Variants in HIVEP1 observed in about 807,000 individuals in gnomAD.
HIVEP1 encodes the protein HIVEP zinc finger 1, also known as zinc finger protein 40.
Under a neutral mutation model 180.0 loss-of-function variants are expected in HIVEP1, and 36 were observed. The observed-to-expected ratio is 0.20, with a 90% CI of 0.15 to 0.26. The LOEUF (loss-of-function observed/expected upper bound fraction) is 0.26, where lower values mean the gene tolerates loss of function less well. Among genes scored for constraint, HIVEP1 ranks in the 10% least tolerant of loss-of-function variants. The pLI is 1.00. For missense variants in HIVEP1, 3,143 were observed against 3,268.7 expected (o/e 0.96, Z 0.94); for synonymous variants, 1,239 against 1,239.0 (o/e 1.00, Z 0.00).
rs116666775 is a variant in HIVEP1, at chr6:12,019,801, A to G, written c.40+4133A>G. Among the ~76,000 whole-genome samples the G allele has an allele frequency of 5.0e-3, 766 of 152,328 alleles. 4 individuals carry two copies. The highest frequency in any genetic ancestry group is 0.017 in the African/African-American group (690 of 41,558). On this transcript the variant is annotated intron_variant, in intron 2 of 8. Coordinates refer to ENST00000379388, the MANE Select transcript of HIVEP1 (RefSeq NM_002114.4). ...CTCCTGCTGGGACAGATATATCCCT[A>G]CGGATGTGCAAAGCCACAGGGTAAC...
chr6:12,056,482 T>C (rs1157691369), intron 2 of HIVEP1, among the ~76,000 whole-genome samples: 1 of 152,258 alleles, frequency 6.6e-6, no homozygotes, highest in Admixed American at 6.5e-5. Flanking sequence ...ATTAAAGTTA[T>C]CAATTTTTGT....
At chr6:12,177,422 A>C in the HIVEP1 span, among the ~76,000 whole-genome samples, 1 of 152,194 alleles carries the variant, frequency 6.6e-6, no homozygotes, top group African/African-American at 2.4e-5. Context: ...CTCTACCTAC[A>C]AGTTTTCTAA....
intron 3 of HIVEP1, among the ~76,000 whole-genome samples, chr6:12,108,827 A>G (rs1283826661): frequency 6.6e-6 from 1 of 152,146 alleles, no homozygotes; most frequent in Non-Finnish European, 1.5e-5. Flanking sequence ...CAGCCCAGAA[A>G]GGGGCTCCCA....
chr6:12,014,110 G>A (rs1216593057), intron 1 of HIVEP1, among the ~76,000 whole-genome samples: 1 of 152,116 alleles, frequency 6.6e-6, no homozygotes, highest in Non-Finnish European at 1.5e-5. Flanking sequence ...CTTCTGATGT[G>A]GATAATATTT....
At chr6:12,009,346 G>A (rs930730726), upstream of HIVEP1, among the ~76,000 whole-genome samples, 2 of 152,154 alleles carry the variant, frequency 1.3e-5, no homozygotes, top group Non-Finnish European at 2.9e-5. Context: ...CAAGAAAAAC[G>A]TGTGTTGAGC....
intron 2 of HIVEP1, among the ~76,000 whole-genome samples, chr6:12,046,783 T>A (rs372736483): frequency 1.3e-5 from 2 of 148,956 alleles, no homozygotes; most frequent in Non-Finnish European, 3.0e-5. Context: ...GTCTCAAAAT[T>A]AAAAAAAAGA....
chr6:12,209,010 C>G, the HIVEP1 span, among the ~76,000 whole-genome samples: 1 of 152,228 alleles, frequency 6.6e-6, no homozygotes, highest in East Asian at 1.9e-4. Flanking sequence ...CCTCGCTGTT[C>G]TGCACACGTG....
intron 2 of HIVEP1, among the ~76,000 whole-genome samples, chr6:12,051,010 A>ATATATATATATG (rs1416779986): frequency 1.6e-5 from 2 of 122,510 alleles, no homozygotes; most frequent in Non-Finnish European, 3.2e-5. Flanking sequence ...GCATATATAT[A>ATATATATATATG]TATATATATA....
intron 3 of HIVEP1, among the ~76,000 whole-genome samples, chr6:12,114,775 T>C (rs1775116562): frequency 6.6e-6 from 1 of 152,242 alleles, no homozygotes. Flanking sequence ...AATTTCCAGC[T>C]ACAGTTTACA....
intron 2 of HIVEP1, among the ~76,000 whole-genome samples, chr6:12,042,104 G>A (rs1435671423): frequency 1.1e-4 from 15 of 131,926 alleles, no homozygotes; most frequent in East Asian, 2.2e-4. Context: ...ACGGAGTCTC[G>A]CTCTGTCGCC....
the HIVEP1 span, among the ~76,000 whole-genome samples, chr6:12,179,562 T>C: frequency 6.6e-6 from 1 of 152,234 alleles, no homozygotes. Flanking sequence ...GTTAATGAGT[T>C]GCTCCTTCTC....
Position 12,120,545 on chromosome 6 carries a change from A to G in HIVEP1, c.750A>G (p.Glu250=). The G allele has an allele frequency of 6.2e-7, 1 of 1,614,212 alleles. No individual in the cohort carries two copies. Among genetic ancestry groups the G allele is most frequent in the Non-Finnish European group, 8.5e-7 (1 of 1,180,030 alleles). The change falls in exon 4 of 9, where the codon GAA becomes GAG. Residue 250 remains glutamate, a synonymous_variant. Transcript: ENST00000379388. ...ATGCCCCAAATCAGACTTCACAGGA[A>G]TTGGTTGCTGAATCACAGTCTTCTT... is the stretch of plus-strand genomic sequence containing the variant. ...SMDAPNQTSQ[E]LVAESQSSCT...
chr6:12,027,093 C>G (rs1442697293), intron 2 of HIVEP1, among the ~76,000 whole-genome samples: 2 of 152,166 alleles, frequency 1.3e-5, no homozygotes, highest in Non-Finnish European at 2.9e-5. Context: ...AGTTGAGTGG[C>G]TGTTTGTGGT....
chr6:12,191,272 T>C, the HIVEP1 span, among the ~76,000 whole-genome samples: 1 of 152,204 alleles, frequency 6.6e-6, no homozygotes, highest in Non-Finnish European at 1.5e-5. Flanking sequence ...TGTTAAAACA[T>C]TGTCCGTTGT....
chr6:12,105,137 T>TGAGTTTTA (rs1774348620), intron 3 of HIVEP1, among the ~76,000 whole-genome samples: 2 of 152,240 alleles, frequency 1.3e-5, no homozygotes, highest in Non-Finnish European at 2.9e-5. Flanking sequence ...AATCTAAGAT[T>TGAGTTTTA]CATCTTAATT....
At chr6:12,198,854 T>C in the HIVEP1 span, among the ~76,000 whole-genome samples, 1 of 152,216 alleles carries the variant, frequency 6.6e-6, no homozygotes, top group African/African-American at 2.4e-5. Flanking sequence ...TTCACGGAAG[T>C]ATCTAGAATA....
At chr6:12,085,722 T>C (rs1030261867) in intron 2 of HIVEP1, among the ~76,000 whole-genome samples, 1 of 152,102 alleles carries the variant, frequency 6.6e-6, no homozygotes, top group African/African-American at 2.4e-5. Flanking sequence ...GCCTCTGAGA[T>C]GGTGAGGGAG....
chr6:12,035,411 G>C (rs1490943899), intron 2 of HIVEP1, among the ~76,000 whole-genome samples: 1 of 152,164 alleles, frequency 6.6e-6, no homozygotes, highest in East Asian at 1.9e-4. Context: ...AATGAAATAA[G>C]AATAGTTCAG....
At chr6:12,074,823 A>C (rs1204255362) in intron 2 of HIVEP1, among the ~76,000 whole-genome samples, 1 of 152,138 alleles carries the variant, frequency 6.6e-6, no homozygotes, top group African/African-American at 2.4e-5. Context: ...TTATAAAGAT[A>C]GAAAGAATGT....
Sources: gnomAD v4.1 joint callset for allele counts (sites outside exome capture counted in the v4.1 genomes callset) on GRCh38, gnomAD v4.1.1 for gene constraint, MANE v1.5 for transcripts, NCBI Gene and HGNC (gene_info 2026-07-23, HGNC 2026-07-21) for gene names.